PIN4: variants seen among roughly 807,000 people sequenced by gnomAD.
PIN4 encodes peptidyl-prolyl cis-trans isomerase NIMA-interacting 4.
In PIN4, 3 loss-of-function variants were observed where a neutral mutation model predicts 8.3. That is an observed-to-expected ratio of 0.36 (90% CI 0.16 to 0.93). PIN4 has a LOEUF of 0.93. Among genes scored for constraint, PIN4 ranks in the 40% least tolerant of loss-of-function variants. The pLI is 0.44. For synonymous variants in PIN4, 18 were observed against 32.5 expected (o/e 0.55, Z 1.52); for missense variants, 75 against 100.6 (o/e 0.75, Z 1.09).
rs201382579 is a variant in PIN4, at chrX:72,249,624, A to ATTT, written c.313-13083_313-13082insTTT. Among the ~76,000 whole-genome samples, 500 of 112,265 alleles carry ATTT rather than the reference A, an allele frequency of 4.5e-3. 2 individuals are homozygous for ATTT. Among genetic ancestry groups the ATTT allele is most frequent in the African/African-American group, 0.015 (461 of 30,930 alleles). ...ATGAACTACTGATCCTCAGGGCAGT[A>ATTT]GGATGAACCTCAAGGGCATTATACT... is the stretch of plus-strand genomic sequence containing the variant. On this transcript the variant is annotated intron_variant, in intron 3 of 3. Coordinates refer to the PIN4 transcript ENST00000423432.
At chrX:72,188,037 G>T (rs770228830) in intron 2 of PIN4, among the ~76,000 whole-genome samples, 1 of 111,757 alleles carries the variant, frequency 8.9e-6, no homozygotes, top group Non-Finnish European at 1.9e-5. Context: ...AGAGATGAGA[G>T]ACATGCACCT....
At chrX:72,242,767 G>A (rs1436843595) in intron 3 of PIN4, among the ~76,000 whole-genome samples, 1 of 112,703 alleles carries the variant, frequency 8.9e-6, no homozygotes, top group African/African-American at 3.2e-5. Flanking sequence ...TGTAATCCCA[G>A]CACTTGGGGA....
intron 2 of PIN4, among the ~76,000 whole-genome samples, chrX:72,191,278 C>A (rs2042731510): frequency 9.0e-6 from 1 of 111,295 alleles, no homozygotes; most frequent in Non-Finnish European, 1.9e-5. Context: ...GGGCTGGGCT[C>A]TGTGGCTCAT....
intron 3 of PIN4, among the ~76,000 whole-genome samples, chrX:72,217,717 A>G (rs1297249468): frequency 9.1e-6 from 1 of 110,004 alleles, no homozygotes; most frequent in Non-Finnish European, 1.9e-5. Flanking sequence ...TACTGAGCAG[A>G]AAAAAAAATA....
chrX:72,237,107 C>T (rs1312037264), intron 3 of PIN4, among the ~76,000 whole-genome samples: 1 of 112,199 alleles, frequency 8.9e-6, no homozygotes, highest in African/African-American at 3.2e-5. Context: ...ACCCAGCAAT[C>T]GGAATTCCAA....
At chrX:72,215,952 T>A (rs1245339269) in intron 3 of PIN4, among the ~76,000 whole-genome samples, 1 of 110,569 alleles carries the variant, frequency 9.0e-6, no homozygotes, top group Non-Finnish European at 1.9e-5. Context: ...CTATAAAATG[T>A]TGGCATTTCT....
chrX:72,239,036 C>A (rs1602456497), intron 3 of PIN4: 2 of 698,060 alleles, frequency 2.9e-6, no homozygotes, highest in African/African-American at 4.2e-5. Context: ...ATGCTCTGTG[C>A]GCCGTGGAGA....
At chrX:72,244,241 A>G (rs971081347) in intron 3 of PIN4, among the ~76,000 whole-genome samples, 1 of 111,784 alleles carries the variant, frequency 8.9e-6, no homozygotes, top group Non-Finnish European at 1.9e-5. Flanking sequence ...TACAGACATG[A>G]AGAGGTCTCA....
intron 2 of PIN4, among the ~76,000 whole-genome samples, chrX:72,193,318 TA>T (rs60236994): frequency 2.9e-4 from 30 of 104,447 alleles, no homozygotes; most frequent in African/African-American, 3.5e-4. Context: ...AGCTGTCTCT[TA>T]AAAAAAAAAA....
At chrX:72,184,915 C>T (rs1394753262) in intron 1 of PIN4, among the ~76,000 whole-genome samples, 1 of 108,981 alleles carries the variant, frequency 9.2e-6, no homozygotes, top group Non-Finnish European at 1.9e-5. Context: ...GGCCGAGGCT[C>T]GCAGATCACG....
intron 3 of PIN4, among the ~76,000 whole-genome samples, chrX:72,220,875 A>G (rs1380004906): frequency 9.0e-6 from 1 of 111,381 alleles, no homozygotes; most frequent in Non-Finnish European, 1.9e-5. Context: ...TCTTTCTTTA[A>G]CTCTTATATT....
intron 3 of PIN4, among the ~76,000 whole-genome samples, chrX:72,231,644 C>T (rs1266302014): frequency 5.4e-5 from 6 of 110,656 alleles, no homozygotes; most frequent in African/African-American, 2.0e-4. Flanking sequence ...GCCTCCGCCT[C>T]CTGGGTTCAT....
At chrX:72,234,967 A>T (rs1015901386) in intron 3 of PIN4, among the ~76,000 whole-genome samples, 7 of 111,842 alleles carry the variant, frequency 6.3e-5, no homozygotes, top group Non-Finnish European at 9.4e-5. Flanking sequence ...CCTGCTTGAC[A>T]TCGATATTGA....
intron 2 of PIN4, among the ~76,000 whole-genome samples, chrX:72,191,401 A>G (rs2042732425): frequency 9.0e-6 from 1 of 110,509 alleles, no homozygotes; most frequent in South Asian, 3.8e-4. Context: ...AAATACAAAA[A>G]TTAGTTGGGC....
At chrX:72,202,861 A>G (rs1451726309), downstream of PIN4, among the ~76,000 whole-genome samples, 1 of 111,761 alleles carries the variant, frequency 8.9e-6, no homozygotes, top group East Asian at 2.8e-4. Flanking sequence ...ATATAATAAA[A>G]ATAAATATTT....
At chrX:72,183,858 G>A (rs1188688934) in intron 1 of PIN4, among the ~76,000 whole-genome samples, 1 of 111,514 alleles carries the variant, frequency 9.0e-6, no homozygotes, top group Non-Finnish European at 1.9e-5. Context: ...GACCTAGGGG[G>A]AGCAGGGACA....
intron 1 of PIN4, among the ~76,000 whole-genome samples, chrX:72,185,155 A>AAAAAAAAAC (rs1556391308): frequency 6.7e-5 from 7 of 103,800 alleles, no homozygotes; most frequent in African/African-American, 2.1e-4. Context: ...CTCAAAAAAA[A>AAAAAAAAAC]AAAAAAAAAA....
downstream of PIN4, among the ~76,000 whole-genome samples, chrX:72,201,401 G>A (rs1291984030): frequency 9.0e-6 from 1 of 111,447 alleles, no homozygotes; most frequent in Non-Finnish European, 1.9e-5. Context: ...AGACCAGCCT[G>A]AGGAACATGG....
In PIN4 at chrX:72,222,742, C is replaced by T. The variant is rs750979682; in HGVS notation, c.312+25838C>T. Among the ~76,000 whole-genome samples, 6 of 108,999 alleles carry T rather than the reference C, an allele frequency of 5.5e-5. No homozygotes were observed. In the South Asian group the frequency reaches 1.2e-3, roughly 23 times the overall value. The allele number at this position is 108,999 out of a possible 115,157, so 94.7% of individuals were successfully genotyped here. A position where few individuals can be genotyped will look rare whatever the true frequency, so the allele number is the denominator to read the frequency against. ...CCTCCTGAGTAGCTGGGATTACAGG[C>T]GCGTGTCACCACGCCCAGCTAATTT... On this transcript the variant is annotated intron_variant, in intron 3 of 3. Coordinates refer to the PIN4 transcript ENST00000423432.
Sources: allele counts gnomAD v4.1 joint callset (sites outside exome capture counted in the v4.1 genomes callset), GRCh38; gene constraint gnomAD v4.1.1; transcripts MANE v1.5; gene names NCBI Gene and HGNC (gene_info 2026-07-23, HGNC 2026-07-21).